Variants in CSN1S1 observed in about 807,000 individuals in gnomAD.
CSN1S1 encodes casein alpha s1, also known as alpha-S1-casein.
Under a neutral mutation model 49.1 loss-of-function variants are expected in CSN1S1, and 63 were observed. The ratio of observed to expected loss-of-function variants is 1.28; its 90% CI spans 1.05 to 1.58. The LOEUF is 1.58. Ranked by LOEUF, CSN1S1 falls within the 40% of genes most tolerant of loss-of-function variation. The pLI is 0.00. For synonymous variants in CSN1S1, 78 were observed against 67.1 expected (o/e 1.16, Z -0.79); for missense variants, 260 against 224.7 (o/e 1.16, Z -1.01).
At chr4:69,940,446 G>A (rs1222716848) in intron 11 of CSN1S1, among the ~76,000 whole-genome samples, 1 of 151,658 alleles carries the variant, frequency 6.6e-6, no homozygotes, top group Non-Finnish European at 1.5e-5. Flanking sequence ...TTAAGTGGCA[G>A]TCTATAGATC....
chr4:69,945,749 C>T (rs1403252846), intron 15 of CSN1S1, among the ~76,000 whole-genome samples: 1 of 151,858 alleles, frequency 6.6e-6, no homozygotes, highest in African/African-American at 2.4e-5. Context: ...ACATCCTTAA[C>T]AAGTCACATA....
intron 8 of CSN1S1, among the ~76,000 whole-genome samples, chr4:69,937,510 C>A (rs1212077966): frequency 6.6e-6 from 1 of 150,832 alleles, no homozygotes; most frequent in African/African-American, 2.4e-5. Flanking sequence ...AGTCCAGAAG[C>A]CAAGTTTTAA....
intron 12 of CSN1S1, among the ~76,000 whole-genome samples, chr4:69,941,563 A>G (rs1038495446): frequency 6.6e-6 from 1 of 151,894 alleles, no homozygotes; most frequent in Non-Finnish European, 1.5e-5. Flanking sequence ...TGGGAGGACA[A>G]TAAAAACCTT....
intron 8 of CSN1S1, 145 bp from the exon 9 acceptor site, chr4:69,937,655 T>C (rs531149100): frequency 1.0e-5 from 6 of 597,992 alleles, no homozygotes; most frequent in African/African-American, 5.9e-5. Flanking sequence ...AGAGATAAAG[T>C]AGGCAGTTTT....
intron 14 of CSN1S1, among the ~76,000 whole-genome samples, chr4:69,942,821 T>G (rs1487725990): frequency 6.6e-6 from 1 of 151,844 alleles, no homozygotes; most frequent in Non-Finnish European, 1.5e-5. Flanking sequence ...TATTTCCTCC[T>G]CCAAAACTCC....
intron 9 of CSN1S1, among the ~76,000 whole-genome samples, chr4:69,938,527 T>G (rs1397066026): frequency 1.3e-5 from 2 of 151,666 alleles, no homozygotes; most frequent in African/African-American, 4.8e-5. Context: ...TACAATTATA[T>G]TTTTTTAAAT....
At chr4:69,938,148 T>C (rs1284461754) in intron 9 of CSN1S1, among the ~76,000 whole-genome samples, 1 of 151,746 alleles carries the variant, frequency 6.6e-6, no homozygotes, top group East Asian at 1.9e-4. Flanking sequence ...TGCATGGATG[T>C]TTAAAATGAG....
intron 1 of CSN1S1, among the ~76,000 whole-genome samples, chr4:69,931,960 C>T (rs1349483923): frequency 6.6e-6 from 1 of 151,854 alleles, no homozygotes; most frequent in South Asian, 2.1e-4. Context: ...TGTAGCAAAA[C>T]ACGAAGTTAT....
intron 14 of CSN1S1, among the ~76,000 whole-genome samples, chr4:69,944,057 T>C (rs549849198): frequency 6.6e-6 from 1 of 152,126 alleles, no homozygotes; most frequent in South Asian, 2.1e-4. Flanking sequence ...GCCAGTTCTA[T>C]CTTGAGGTAG....
chr4:69,940,090 ATAAT>A, intron 11 of CSN1S1, 46 bp downstream of exon 11: 1 of 910,046 alleles, frequency 1.1e-6, no homozygotes, highest in South Asian at 1.9e-5. Flanking sequence ...ATTTTCCAGG[ATAAT>A]TAAAATGCAC....
At position 69,937,013 on chromosome 4, in the gene CSN1S1, G is replaced by C. The variant is rs114583218; in HGVS notation, c.196-108G>C. On this transcript the variant is annotated intron_variant, in intron 7 of 15. Coordinates refer to ENST00000246891, the MANE Select transcript of CSN1S1 (RefSeq NM_001890.2). ...CATCTTTGATTTGGATTGTCTACTA[G>C]TTTTCTAGTAGAATTGGTATTGAGA... 1,665 of 819,768 alleles carry C rather than the reference G, an allele frequency of 2.0e-3. 23 individuals are homozygous for C. The African/African-American group carries it at 0.027, about 13-fold the overall frequency. 50.8% of individuals were successfully genotyped at this position (819,768 alleles called of 1,614,324 possible). A position where few individuals can be genotyped will look rare whatever the true frequency, so the allele number is the denominator to read the frequency against.
Position 69,946,236 on chromosome 4 carries a change from G to T in CSN1S1, c.*40G>T. 1 of 509,978 alleles carries T rather than the reference G, an allele frequency of 2.0e-6. No homozygotes were observed. The highest frequency in any genetic ancestry group is 3.6e-6 in the Non-Finnish European group (1 of 275,356). 31.6% of individuals were successfully genotyped at this position (509,978 alleles called of 1,614,324 possible). A position where few individuals can be genotyped will look rare whatever the true frequency, so the allele number is the denominator to read the frequency against. ...TCATTCTCTGAATTTCTCCTCTCAA[G>T]GAAAACCATCTTATCTGAAGACTGG... is the stretch of plus-strand genomic sequence containing the variant. On this transcript the variant is annotated 3_prime_UTR_variant, in exon 16 of 16. Transcript: ENST00000246891.
rs1723166950 is a variant in CSN1S1 at position 69,946,325 on chromosome 4, T to C, written c.*129T>C. The C allele has an allele frequency of 5.8e-6, 2 of 342,034 alleles. No individual in the cohort carries two copies. Among genetic ancestry groups the C allele is most frequent in the African/African-American group, 4.2e-5 (2 of 47,170 alleles). 21.2% of individuals were successfully genotyped at this position (342,034 alleles called of 1,614,324 possible). A position where few individuals can be genotyped will look rare whatever the true frequency, so the allele number is the denominator to read the frequency against. ...AATTGTTCTTTTTGAGTTATCTACT[T>C]AATAGCATATCATTCTTTTTCTTAA... is the stretch of plus-strand genomic sequence containing the variant. On this transcript the variant is annotated 3_prime_UTR_variant, in exon 16 of 16. Coordinates refer to ENST00000246891, the MANE Select transcript of CSN1S1 (RefSeq NM_001890.2).
At chr4:69,937,684 T>A (rs371293571) in intron 8 of CSN1S1, 116 bp from the exon 9 acceptor site, 1 of 806,488 alleles carries the variant, frequency 1.2e-6, no homozygotes, top group South Asian at 1.8e-5. Flanking sequence ...TTCTTATTAC[T>A]TTTATATTGT....
intron 5 of CSN1S1, 110 bp downstream of exon 5, chr4:69,936,059 A>G (rs1722769850): frequency 1.2e-6 from 1 of 837,244 alleles, no homozygotes; most frequent in Non-Finnish European, 1.9e-6. Flanking sequence ...AGGATAACAA[A>G]TTTGAGTGGA....
intron 2 of CSN1S1, 42 bp from the exon 3 acceptor site, chr4:69,934,170 T>G (rs1233487203): frequency 1.4e-6 from 2 of 1,476,090 alleles, no homozygotes; most frequent in South Asian, 2.3e-5. Flanking sequence ...ATTGTCATTT[T>G]AGTTACTTTT....
At chr4:69,936,072 A>G (rs1722770516) in intron 5 of CSN1S1, 123 bp downstream of exon 5, 1 of 749,970 alleles carries the variant, frequency 1.3e-6, no homozygotes, top group African/African-American at 1.8e-5. Flanking sequence ...TGAGTGGAAC[A>G]AACTTAAAAA....
chr4:69,933,444 C>A (rs17146476), intron 2 of CSN1S1, among the ~76,000 whole-genome samples: 1 of 152,092 alleles, frequency 6.6e-6, no homozygotes, highest in African/African-American at 2.4e-5. Flanking sequence ...CTAAATTCTC[C>A]TTTGGAAAGT....
chr4:69,935,010 G>C lies in CSN1S1; in HGVS notation c.105+300G>C, dbSNP rs376317155. Reference sequence around the variant, plus strand: ...ATCATAAAACTAAAACTAATTATTTGTTCTTCTAGCTAAGAAATCTGTTGG... The same window carrying C: ...ATCATAAAACTAAAACTAATTATTTCTTCTTCTAGCTAAGAAATCTGTTGG... On this transcript the variant is annotated intron_variant, in intron 4 of 15. Coordinates refer to ENST00000246891, the MANE Select transcript of CSN1S1 (RefSeq NM_001890.2). Among the ~76,000 whole-genome samples, 14 of 151,986 alleles carry C rather than the reference G, an allele frequency of 9.2e-5. No homozygotes were observed. In the East Asian group the frequency reaches 2.1e-3, roughly 23 times the overall value.
Sources: gnomAD v4.1 joint callset for allele counts (sites outside exome capture counted in the v4.1 genomes callset) on GRCh38, gnomAD v4.1.1 for gene constraint, MANE v1.5 for transcripts, NCBI Gene and HGNC (gene_info 2026-07-23, HGNC 2026-07-21) for gene names.